Variants in LOC400499 observed in about 807,000 individuals in gnomAD.
At chr16:11,472,812 T>C in the LOC400499 span, 1 of 152,186 alleles carries the variant, frequency 6.6e-6, no homozygotes, top group Non-Finnish European at 1.5e-5. Flanking sequence ...TCTTTGGTAG[T>C]AACTCTTATC....
the LOC400499 span, among the ~76,000 whole-genome samples, chr16:11,377,050 C>G: frequency 2.6e-5 from 4 of 151,658 alleles, no homozygotes; most frequent in Admixed American, 2.6e-4. Context: ...ACCTCTGAGG[C>G]TCAAGTGATC....
chr16:11,492,857 A>G, the LOC400499 span, among the ~76,000 whole-genome samples: 1 of 152,130 alleles, frequency 6.6e-6, no homozygotes, highest in African/African-American at 2.4e-5. Flanking sequence ...GACCAGAGCC[A>G]GGGGGACCTG....
At chr16:11,500,790 G>C in the LOC400499 span, 6 of 399,010 alleles carry the variant, frequency 1.5e-5, no homozygotes, top group Admixed American at 8.8e-5. Context: ...CCCGGGTGGG[G>C]TGCAGGGACT....
chr16:11,522,894 G>T, the LOC400499 span, among the ~76,000 whole-genome samples: 1 of 152,190 alleles, frequency 6.6e-6, no homozygotes, highest in African/African-American at 2.4e-5. Context: ...GAACAGAGAG[G>T]TCTGTAATTA....
chr16:11,524,366 C>CCCCGCTGTTATCCATGCAACCATCCATT, the LOC400499 span, among the ~76,000 whole-genome samples: 1 of 116,000 alleles, frequency 8.6e-6, no homozygotes, highest in African/African-American at 4.3e-5. Flanking sequence ...ACCCAGCCAC[C>CCCCGCTGTTATCCATGCAACCATCCATT]CACCCTCTCC....
the LOC400499 span, among the ~76,000 whole-genome samples, chr16:11,481,859 T>C: frequency 0.022 from 3,383 of 152,220 alleles, 112 homozygotes; most frequent in African/African-American, 0.078. Flanking sequence ...GGTCTTGAAC[T>C]CTTGAGCTCA....
the LOC400499 span, among the ~76,000 whole-genome samples, chr16:11,434,846 C>T: frequency 6.6e-5 from 10 of 152,122 alleles, no homozygotes; most frequent in African/African-American, 2.4e-4. Context: ...ACCCCTGGAC[C>T]CTAGGCTCCT....
the LOC400499 span, among the ~76,000 whole-genome samples, chr16:11,381,269 CAG>C: frequency 6.6e-6 from 1 of 152,106 alleles, no homozygotes; most frequent in Admixed American, 6.6e-5. Flanking sequence ...TTTTGTGAGA[CAG>C]GGTCTCAGTC....
the LOC400499 span, among the ~76,000 whole-genome samples, chr16:11,504,206 G>A: frequency 9.9e-5 from 15 of 152,210 alleles, no homozygotes; most frequent in Non-Finnish European, 1.9e-4. Flanking sequence ...GGAGAAAAGA[G>A]GGCAGATCTA....
At chr16:11,397,789 G>GAAT in the LOC400499 span, among the ~76,000 whole-genome samples, 1 of 134,118 alleles carries the variant, frequency 7.5e-6, no homozygotes, top group Non-Finnish European at 1.6e-5. Flanking sequence ...GAGGGAGGGA[G>GAAT]GGAGGGAGGG....
chr16:11,480,939 A>G, the LOC400499 span, among the ~76,000 whole-genome samples: 1 of 152,262 alleles, frequency 6.6e-6, no homozygotes, highest in Non-Finnish European at 1.5e-5. Flanking sequence ...TCCAAAAGGC[A>G]GCAACAACCC....
chr16:11,439,591 G>A, the LOC400499 span: 1 of 399,148 alleles, frequency 2.5e-6, no homozygotes, highest in East Asian at 3.6e-5. Context: ...CCTGTTGCAG[G>A]GAGAGTTGAA....
chr16:11,479,498 C>A, the LOC400499 span, among the ~76,000 whole-genome samples: 1 of 151,662 alleles, frequency 6.6e-6, no homozygotes, highest in South Asian at 2.1e-4. Context: ...TGGCACCCGC[C>A]TGTAGTTCCA....
the LOC400499 span, chr16:11,476,682 G>C: frequency 2.5e-6 from 1 of 398,910 alleles, no homozygotes; most frequent in East Asian, 3.6e-5. Context: ...TCACATGCAT[G>C]CATGCAAGCA....
At chr16:11,423,046 T>C in the LOC400499 span, 1 of 397,574 alleles carries the variant, frequency 2.5e-6, no homozygotes, top group Non-Finnish European at 4.4e-6. Flanking sequence ...AGGGGGACCA[T>C]GTGAGTATCT....
chr16:11,407,057 C>G, the LOC400499 span: 1 of 392,928 alleles, frequency 2.5e-6, no homozygotes, highest in African/African-American at 2.1e-5. Context: ...CTCAATAAAT[C>G]CAGCACATTG....
At chr16:11,518,854 C>T in the LOC400499 span, 4 of 399,060 alleles carry the variant, frequency 1.0e-5, no homozygotes, top group African/African-American at 6.2e-5. Flanking sequence ...CTCACAGCTC[C>T]AGCCCCATCG....
the LOC400499 span, chr16:11,478,702 A>G: frequency 2.5e-6 from 1 of 399,096 alleles, no homozygotes; most frequent in Non-Finnish European, 4.4e-6. Context: ...GAGAGCCCAG[A>G]CAGGTCACAA....
At chr16:11,517,359 T>G in the LOC400499 span, among the ~76,000 whole-genome samples, 2 of 152,176 alleles carry the variant, frequency 1.3e-5, no homozygotes, top group Non-Finnish European at 2.9e-5. Context: ...AAAAAATCTA[T>G]CTACCTCTTC....
Sources: gnomAD v4.1 joint callset for allele counts (sites outside exome capture counted in the v4.1 genomes callset) on GRCh38, gnomAD v4.1.1 for gene constraint, MANE v1.5 for transcripts.